Variants in NHS observed in about 807,000 individuals in gnomAD.
NHS encodes the protein actin remodeling regulator NHS.
A neutral mutation model predicts 72.5 loss-of-function variants in NHS; 5 were observed. The ratio of observed to expected loss-of-function variants is 0.07; its 90% CI spans 0.04 to 0.14. NHS has a LOEUF of 0.14. Among genes scored for constraint, NHS ranks in the 10% least tolerant of loss-of-function variants. The pLI, the probability that NHS is intolerant of heterozygous loss-of-function variation, is 1.00. For missense variants in NHS, 1,072 were observed against 1,355.7 expected (o/e 0.79, Z 3.29); for synonymous variants, 464 against 547.7 (o/e 0.85, Z 2.13).
At chrX:17,486,597 G>A (rs991502124) in intron 1 of NHS, among the ~76,000 whole-genome samples, 1 of 111,679 alleles carries the variant, frequency 9.0e-6, no homozygotes, top group African/African-American at 3.3e-5. Context: ...CACAGAACAA[G>A]CACATTTTAA....
chrX:17,552,691 C>T (rs896945591), intron 1 of NHS, among the ~76,000 whole-genome samples: 3 of 111,963 alleles, frequency 2.7e-5, no homozygotes, highest in Non-Finnish European at 5.6e-5. Context: ...CCTGCCACCC[C>T]AGTATTATCC....
intron 1 of NHS, among the ~76,000 whole-genome samples, chrX:17,556,794 G>A (rs1031026297): frequency 5.4e-5 from 6 of 110,949 alleles, no homozygotes; most frequent in Non-Finnish European, 7.5e-5. Context: ...TATGAAAATC[G>A]GTTAGGTTGG....
At chrX:17,506,188 C>T (rs2065056845) in intron 1 of NHS, among the ~76,000 whole-genome samples, 1 of 111,259 alleles carries the variant, frequency 9.0e-6, no homozygotes, top group African/African-American at 3.3e-5. Flanking sequence ...AATCGGCACC[C>T]ACAGGCTGCT....
At chrX:17,445,182 G>A (rs1432354807) in intron 1 of NHS, among the ~76,000 whole-genome samples, 2 of 111,469 alleles carry the variant, frequency 1.8e-5, no homozygotes, top group Non-Finnish European at 3.8e-5. Context: ...TTTTACAACA[G>A]AGGAGGTAAG....
At chrX:17,493,110 G>C (rs960814685) in intron 1 of NHS, among the ~76,000 whole-genome samples, 11 of 111,814 alleles carry the variant, frequency 9.8e-5, no homozygotes, top group African/African-American at 3.6e-4. Context: ...CTATGAACCA[G>C]CTTCAACTAT....
At chrX:17,543,762 C>T (rs1466278837) in intron 1 of NHS, among the ~76,000 whole-genome samples, 3 of 111,853 alleles carry the variant, frequency 2.7e-5, no homozygotes, top group African/African-American at 6.5e-5. Context: ...CTTCCTGTGT[C>T]AGTGCTTCTC....
At chrX:17,661,625 C>A (rs1225094510) in intron 1 of NHS, among the ~76,000 whole-genome samples, 1 of 111,750 alleles carries the variant, frequency 8.9e-6, no homozygotes, top group Admixed American at 9.5e-5. Context: ...ATTGGGACTC[C>A]ATTTCAGATT....
At chrX:17,599,636 A>G (rs1484551033) in intron 1 of NHS, among the ~76,000 whole-genome samples, 1 of 110,606 alleles carries the variant, frequency 9.0e-6, no homozygotes, top group Non-Finnish European at 1.9e-5. Flanking sequence ...ATATATTATC[A>G]TTCACATAAT....
intron 1 of NHS, among the ~76,000 whole-genome samples, chrX:17,403,893 A>G (rs7052448): frequency 0.042 from 4,615 of 110,678 alleles, 269 homozygotes; most frequent in African/African-American, 0.14. Context: ...GATCCCTCAG[A>G]TTGAAGCCCC....
chrX:17,485,582 T>C (rs966598085), intron 1 of NHS, among the ~76,000 whole-genome samples: 3 of 110,003 alleles, frequency 2.7e-5, no homozygotes, highest in African/African-American at 9.9e-5. Context: ...GATGATAAAA[T>C]AGCAGCCCAG....
chrX:17,706,528 T>G (rs1215985004), intron 3 of NHS, among the ~76,000 whole-genome samples: 6 of 108,763 alleles, frequency 5.5e-5, no homozygotes, highest in African/African-American at 6.7e-5. Flanking sequence ...CACACACAGT[T>G]GGCGCCATGG....
At chrX:17,548,860 C>G (rs1402793109) in intron 1 of NHS, among the ~76,000 whole-genome samples, 1 of 111,218 alleles carries the variant, frequency 9.0e-6, no homozygotes, top group African/African-American at 3.3e-5. Context: ...GGCTGCCCCC[C>G]CTTGCTTTTA....
At chrX:17,725,251 C>A in intron 6 of NHS, 96 bp from the exon 7 acceptor site, 1 of 844,717 alleles carries the variant, frequency 1.2e-6, no homozygotes, top group Non-Finnish European at 1.7e-6. Context: ...AAAAACAGCT[C>A]TAACCTGCCA....
At chrX:17,400,433 A>G (rs1334483012) in intron 1 of NHS, among the ~76,000 whole-genome samples, 1 of 110,957 alleles carries the variant, frequency 9.0e-6, no homozygotes, top group African/African-American at 3.3e-5. Flanking sequence ...TAAAAATACA[A>G]AAATTAGCTG....
intron 1 of NHS, among the ~76,000 whole-genome samples, chrX:17,561,061 C>T (rs755312454): frequency 2.9e-4 from 33 of 112,644 alleles, no homozygotes; most frequent in African/African-American, 8.7e-4. Context: ...CTCTCAGAAA[C>T]GAACCTACAG....
At chrX:17,628,000 G>A (rs149303932) in intron 1 of NHS, among the ~76,000 whole-genome samples, 226 of 112,809 alleles carry the variant, frequency 2.0e-3, no homozygotes, top group African/African-American at 7.0e-3. Context: ...AATATGTTGT[G>A]GAATGAAAGT....
At chrX:17,439,850 A>G (rs942117423) in intron 1 of NHS, among the ~76,000 whole-genome samples, 1 of 112,613 alleles carries the variant, frequency 8.9e-6, no homozygotes, top group Admixed American at 9.4e-5. Context: ...AGAAAATGAC[A>G]TAGAATCAAC....
At chrX:17,495,197 C>T (rs978551745) in intron 1 of NHS, among the ~76,000 whole-genome samples, 1 of 111,666 alleles carries the variant, frequency 9.0e-6, no homozygotes, top group Non-Finnish European at 1.9e-5. Flanking sequence ...TGTGTTTACC[C>T]GGGGCTTGTC....
At chrX:17,656,953 T>C (rs2147089709) in intron 1 of NHS, among the ~76,000 whole-genome samples, 1 of 113,156 alleles carries the variant, frequency 8.8e-6, no homozygotes, top group Admixed American at 9.2e-5. Context: ...ATTTTGCCTG[T>C]GCAGGGGTTT....
Sources: gnomAD v4.1 joint callset for allele counts (sites outside exome capture counted in the v4.1 genomes callset) on GRCh38, gnomAD v4.1.1 for gene constraint, MANE v1.5 for transcripts, NCBI Gene and HGNC (gene_info 2026-07-23, HGNC 2026-07-21) for gene names.